RNF212B: variants seen among roughly 807,000 people sequenced by gnomAD.
RNF212B encodes the protein E3 ubiquitin-protein ligase RNF212B.
In RNF212B, 52 loss-of-function variants were observed where a neutral mutation model predicts 55.5. The ratio of observed to expected loss-of-function variants is 0.94; its 90% CI spans 0.75 to 1.18. RNF212B has a LOEUF of 1.18. Ranked by LOEUF, RNF212B falls within the 50% of genes most tolerant of loss-of-function variation. The pLI, the probability that RNF212B is intolerant of heterozygous loss-of-function variation, is 0.00. For missense variants in RNF212B, 289 were observed against 350.4 expected (o/e 0.82, Z 1.40); for synonymous variants, 99 against 121.4 (o/e 0.82, Z 1.21).
intron 7 of RNF212B, among the ~76,000 whole-genome samples, chr14:23,261,547 G>C (rs976889016): frequency 6.6e-6 from 1 of 152,134 alleles, no homozygotes; most frequent in Non-Finnish European, 1.5e-5. Context: ...GGAGTTAGAT[G>C]GTCTGTTCAT....
intron 2 of RNF212B, among the ~76,000 whole-genome samples, chr14:23,231,828 G>A (rs1023559131): frequency 6.6e-6 from 1 of 152,224 alleles, no homozygotes; most frequent in Non-Finnish European, 1.5e-5. Flanking sequence ...TTTTGGTGGA[G>A]AGGGGGTTTC....
intron 2 of RNF212B, among the ~76,000 whole-genome samples, chr14:23,221,858 T>A (rs533526857): frequency 6.6e-6 from 1 of 152,184 alleles, no homozygotes; most frequent in East Asian, 1.9e-4. Flanking sequence ...TATGAACACA[T>A]GGAAATTAAA....
At chr14:23,271,034 C>T (rs1362890655) in intron 14 of RNF212B, among the ~76,000 whole-genome samples, 1 of 152,166 alleles carries the variant, frequency 6.6e-6, no homozygotes, top group African/African-American at 2.4e-5. Context: ...ACATTTACTT[C>T]TCCAGAGACC....
chr14:23,204,763 G>A (rs1879667945), intron 2 of RNF212B, among the ~76,000 whole-genome samples: 1 of 152,144 alleles, frequency 6.6e-6, no homozygotes, highest in South Asian at 2.1e-4. Context: ...TATGAAGAAT[G>A]ATGGTGGTAT....
At chr14:23,262,328 G>C (rs1443033216) in intron 7 of RNF212B, among the ~76,000 whole-genome samples, 1 of 152,136 alleles carries the variant, frequency 6.6e-6, no homozygotes, top group Non-Finnish European at 1.5e-5. Context: ...TCTTAAGGTG[G>C]ATGAGAGGAT....
At chr14:23,250,099 ATT>A (rs1037369173) in intron 4 of RNF212B, among the ~76,000 whole-genome samples, 5 of 152,192 alleles carry the variant, frequency 3.3e-5, no homozygotes, top group African/African-American at 1.2e-4. Flanking sequence ...TACCTAATCT[ATT>A]AGGCAGATTC....
intron 14 of RNF212B, among the ~76,000 whole-genome samples, chr14:23,272,069 A>G (rs1886130135): frequency 6.6e-6 from 1 of 152,168 alleles, no homozygotes; most frequent in Non-Finnish European, 1.5e-5. Context: ...GCCATTAATT[A>G]TTTGTTAAAG....
chr14:23,194,175 G>A (rs1310466853), intron 2 of RNF212B, among the ~76,000 whole-genome samples: 1 of 152,092 alleles, frequency 6.6e-6, no homozygotes. Context: ...AAAAACAAAA[G>A]AGGAAAATAG....
At chr14:23,218,372 A>AT (rs1265902148) in intron 2 of RNF212B, among the ~76,000 whole-genome samples, 2 of 100,976 alleles carry the variant, frequency 2.0e-5, no homozygotes, top group African/African-American at 6.8e-5. Flanking sequence ...TATCTCAAAA[A>AT]AAAAAATAAA....
chr14:23,246,346 A>G (rs1228731849), intron 4 of RNF212B, among the ~76,000 whole-genome samples: 1 of 152,160 alleles, frequency 6.6e-6, no homozygotes, highest in African/African-American at 2.4e-5. Flanking sequence ...GAAAGAATTA[A>G]TGAACTAATC....
chr14:23,236,734 T>G (rs1026415675), upstream of RNF212B, among the ~76,000 whole-genome samples: 1 of 152,070 alleles, frequency 6.6e-6, no homozygotes, highest in African/African-American at 2.4e-5. Flanking sequence ...AATAATTTTG[T>G]AAAGGAAGCC....
intron 2 of RNF212B, among the ~76,000 whole-genome samples, chr14:23,242,081 C>CAAAAAAAA (rs58497672): frequency 1.6e-3 from 59 of 36,606 alleles, no homozygotes; most frequent in Non-Finnish European, 1.8e-3. Context: ...GACTCCGTCT[C>CAAAAAAAA]AAAAAAAAAA....
At chr14:23,222,490 TAA>T (rs1881656258) in intron 2 of RNF212B, among the ~76,000 whole-genome samples, 1 of 151,996 alleles carries the variant, frequency 6.6e-6, no homozygotes, top group Non-Finnish European at 1.5e-5. Flanking sequence ...GAAGTCACAA[TAA>T]AAAGTCTCCC....
intron 1 of RNF212B, among the ~76,000 whole-genome samples, chr14:23,238,653 G>T (rs761146232): frequency 6.6e-6 from 1 of 151,554 alleles, no homozygotes; most frequent in Non-Finnish European, 1.5e-5. Flanking sequence ...TGGGAAGATC[G>T]CTTGAGCCCA....
At chr14:23,212,659 G>A (rs1257997113) in intron 2 of RNF212B, among the ~76,000 whole-genome samples, 1 of 151,916 alleles carries the variant, frequency 6.6e-6, no homozygotes, top group Admixed American at 6.6e-5. Flanking sequence ...TCGGCTCACT[G>A]CAAGCTCCGC....
At chr14:23,204,431 T>G (rs1299098081) in intron 2 of RNF212B, among the ~76,000 whole-genome samples, 1 of 152,206 alleles carries the variant, frequency 6.6e-6, no homozygotes, top group Admixed American at 6.5e-5. Context: ...TCTAGTTTCA[T>G]TCTCCTACCT....
intron 4 of RNF212B, among the ~76,000 whole-genome samples, chr14:23,257,306 A>G (rs951211822): frequency 2.0e-5 from 3 of 152,208 alleles, no homozygotes; most frequent in Non-Finnish European, 4.4e-5. Flanking sequence ...TATAGGCATG[A>G]TCACCATGCC....
rs141514309 is a variant in RNF212B, at chr14:23,190,151, CT to C, written c.-78-3172del. Among the ~76,000 whole-genome samples, 661 of 152,208 alleles carry C rather than the reference CT, an allele frequency of 4.3e-3. 3 individuals carry two copies. Among genetic ancestry groups the C allele is most frequent in the African/African-American group, 0.015 (627 of 41,516 alleles). Reference sequence around the variant, plus strand: ...TTTAGGCTCCTGGCTGGATCCTTTCCTTCTCCAATCTCTTCTCTTCTCTATC... The same window carrying C: ...TTTAGGCTCCTGGCTGGATCCTTTCCTCTCCAATCTCTTCTCTTCTCTATC... On this transcript the variant is annotated intron_variant, in intron 1 of 15. Coordinates refer to the RNF212B transcript ENST00000399910.
intron 4 of RNF212B, among the ~76,000 whole-genome samples, chr14:23,254,286 C>CAAA (rs763020430): frequency 1.7e-4 from 14 of 84,790 alleles, no homozygotes; most frequent in African/African-American, 6.2e-4. Flanking sequence ...CTCTTTATCT[C>CAAA]AAAAACAAAA....
Sources: gnomAD v4.1 joint callset for allele counts (sites outside exome capture counted in the v4.1 genomes callset) on GRCh38, gnomAD v4.1.1 for gene constraint, MANE v1.5 for transcripts, NCBI Gene and HGNC (gene_info 2026-07-23, HGNC 2026-07-21) for gene names.